The following CPLANE1 variants were observed in gnomAD, a reference collection of about 807,000 sequenced individuals.
CPLANE1 encodes the protein ciliogenesis and planar polarity effector complex subunit 1.
CPLANE1 carries 263 observed loss-of-function variants against 362.5 expected under a neutral mutation model. The observed-to-expected ratio is 0.73, with a 90% CI of 0.66 to 0.80. The LOEUF (loss-of-function observed/expected upper bound fraction) is 0.80. Ranked by LOEUF, CPLANE1 falls within the 30% of genes least tolerant of loss-of-function variation. The pLI is 0.00. For missense variants in CPLANE1, 3,461 were observed against 3,793.4 expected, an observed-to-expected ratio of 0.91 and a Z score of 2.30; for synonymous variants, 1,212 against 1,302.6, an observed-to-expected ratio of 0.93 and a Z score of 1.50.
In CPLANE1 at chr5:37,205,467, C is replaced by T; in HGVS notation, c.3150-13G>A. On this transcript the variant is annotated splice_polypyrimidine_tract_variant and intron_variant, in intron 17 of 52. Coordinates refer to ENST00000651892, the MANE Select transcript of CPLANE1 (RefSeq NM_001384732.1). ...CTTTTTCTTGGACCTGAAATGACAT[C>T]AAATTAAGGGAAATGAATCCAAATT... The T allele has an allele frequency of 6.9e-7, 1 of 1,454,026 alleles. No individual in the cohort carries two copies. Among genetic ancestry groups the T allele is most frequent in the South Asian group, 1.5e-5 (1 of 64,922 alleles). 90.1% of individuals were successfully genotyped at this position (1,454,026 alleles called of 1,614,324 possible).
At chr5:37,122,884 AAAATAAAT>A (rs1356437941) in intron 47 of CPLANE1, among the ~76,000 whole-genome samples, 1 of 152,206 alleles carries the variant, frequency 6.6e-6, no homozygotes, top group African/African-American at 2.4e-5. Flanking sequence ...CCGTTTCAAA[AAAATAAAT>A]AAATAAATAA....
intron 52 of CPLANE1, among the ~76,000 whole-genome samples, chr5:37,108,021 G>A (rs1381798164): frequency 1.3e-5 from 2 of 152,116 alleles, no homozygotes; most frequent in South Asian, 2.1e-4. Context: ...AGGGCAGAAC[G>A]GATGTTGATA....
At chr5:37,186,825 C>T (rs758402861) in intron 23 of CPLANE1, among the ~76,000 whole-genome samples, 1 of 151,938 alleles carries the variant, frequency 6.6e-6, no homozygotes, top group Non-Finnish European at 1.5e-5. Context: ...TTTGGGAGGC[C>T]GAGGCGGGCA....
At position 37,108,459 on chromosome 5, in the gene CPLANE1, G is replaced by A. The variant is rs747597826; in HGVS notation, c.9413C>T (p.Pro3138Leu). The change falls in exon 52 of 53, where the codon CCG (proline) becomes CTG (leucine). Residue 3138 changes from proline to leucine, a missense_variant. Around this residue, in one of 2 missense-constraint regions of CPLANE1, gnomAD observed 3,380 missense variants for 3,666.1 expected, o/e 0.92. Transcript: ENST00000651892. ...PVTFQKGSNA[P>L]CHSLQHTKKH... ...TTTTGTATGCTGCAGACTATGACAC[G>A]GAGCATTAGAGCCTTTTAAGGGATA... is the stretch of plus-strand genomic sequence containing the variant. The A allele has an allele frequency of 1.4e-5, 23 of 1,613,090 alleles. No individual in the cohort carries two copies. Among genetic ancestry groups the A allele is most frequent in the African/African-American group, 4.0e-5 (3 of 74,844 alleles).
At position 37,168,788 on chromosome 5, in the gene CPLANE1, T is replaced by C. The variant is rs745416231; in HGVS notation, c.7233+3A>G. ...TTTGCATTACCATACAAAAATTCATTACCCTATTTTCTGGGGACAAATGTG... is the reference window on the plus strand; with the variant it reads ...TTTGCATTACCATACAAAAATTCATCACCCTATTTTCTGGGGACAAATGTG... On this transcript the variant is annotated splice_donor_region_variant and intron_variant, in intron 34 of 52. Coordinates refer to ENST00000651892, the MANE Select transcript of CPLANE1 (RefSeq NM_001384732.1). 1.2e-5 allele frequency: 20 copies of C among 1,608,204 alleles called. No individual in the cohort carries two copies. The highest frequency in any genetic ancestry group is 1.7e-5 in the Non-Finnish European group (20 of 1,176,624).
intron 46 of CPLANE1, among the ~76,000 whole-genome samples, chr5:37,132,655 C>T (rs1219126101): frequency 6.6e-6 from 1 of 152,038 alleles, no homozygotes; most frequent in East Asian, 1.9e-4. Flanking sequence ...CCCAATTGTT[C>T]AAGTTCTTTG....
chr5:37,137,481 G>C (rs1768062428), intron 46 of CPLANE1, among the ~76,000 whole-genome samples: 1 of 152,036 alleles, frequency 6.6e-6, no homozygotes, highest in African/African-American at 2.4e-5. Context: ...CACATTTTCA[G>C]GTATTTTTAC....
At chr5:37,195,021 G>C (rs1311141320) in intron 21 of CPLANE1, among the ~76,000 whole-genome samples, 1 of 151,966 alleles carries the variant, frequency 6.6e-6, no homozygotes, top group African/African-American at 2.4e-5. Context: ...CGGGCACGGT[G>C]GCGGGTGCCT....
At position 37,226,602 on chromosome 5, in the gene CPLANE1, A is replaced by C. The variant is rs1796517941; in HGVS notation, c.1993T>G (p.Ser665Ala). 2 of 1,551,362 alleles carry C rather than the reference A, an allele frequency of 1.3e-6. No individual in the cohort carries two copies. Among genetic ancestry groups the C allele is most frequent in the Non-Finnish European group, 1.7e-6 (2 of 1,146,896 alleles). Residue 665 changes from serine to alanine, a missense_variant, in exon 12 of 53, where the codon TCA becomes GCA. Transcript: ENST00000651892. ...GTCAGCAAAAGTTTTACAGTATTTG[A>C]GGTCAGCTTTATCAAATGCCCCACA... ...QDVGHLIKLT[S>A]NTVKLLLTQQ... is the part of the protein sequence containing the mutation.
chr5:37,234,823 G>C (rs1237856327), intron 8 of CPLANE1, among the ~76,000 whole-genome samples: 1 of 152,076 alleles, frequency 6.6e-6, no homozygotes, highest in Non-Finnish European at 1.5e-5. Flanking sequence ...ACCTATAAAA[G>C]AAACTCATCA....
intron 46 of CPLANE1, among the ~76,000 whole-genome samples, chr5:37,128,661 C>A (rs573520471): frequency 6.6e-6 from 1 of 152,186 alleles, no homozygotes; most frequent in Non-Finnish European, 1.5e-5. Flanking sequence ...GAGCTCAAGA[C>A]CAGCCTGGCC....
intron 35 of CPLANE1, 135 bp from the exon 36 acceptor site, chr5:37,165,806 C>G: frequency 1.3e-6 from 1 of 799,344 alleles, no homozygotes; most frequent in Non-Finnish European, 1.9e-6. Flanking sequence ...ATTAAATTGG[C>G]AAGATATTCT....
chr5:37,122,599 A>G (rs1579901094), intron 47 of CPLANE1, 111 bp from the exon 48 acceptor site: 2 of 779,926 alleles, frequency 2.6e-6, no homozygotes. Flanking sequence ...TGTTTGATGA[A>G]GCTTCCTACT....
chr5:37,145,699 G>C (rs568141626), intron 43 of CPLANE1, among the ~76,000 whole-genome samples: 6 of 152,002 alleles, frequency 3.9e-5, no homozygotes, highest in African/African-American at 7.2e-5. Flanking sequence ...GCAGGAAAGA[G>C]AGAATACAGA....
intron 15 of CPLANE1, among the ~76,000 whole-genome samples, chr5:37,218,040 A>G (rs1192677300): frequency 6.6e-6 from 1 of 152,148 alleles, no homozygotes; most frequent in Non-Finnish European, 1.5e-5. Context: ...TTAAATAACT[A>G]TAGACAATTA....
At chr5:37,087,754 C>T in the CPLANE1 span, among the ~76,000 whole-genome samples, 3 of 152,222 alleles carry the variant, frequency 2.0e-5, no homozygotes, top group Non-Finnish European at 4.4e-5. Flanking sequence ...CCGCACCTGG[C>T]CACAACTTGT....
rs764012060 is a variant in CPLANE1 at position 37,107,417 on chromosome 5, A to C, written c.*185T>G. ...ATCAATAGTCAACCCTTTCCCCATA[A>C]AGGCAAAGTTACTGAGAAATGTTTA... is the stretch of plus-strand genomic sequence containing the variant. On this transcript the variant is annotated 3_prime_UTR_variant, in exon 53 of 53. Coordinates refer to ENST00000651892, the MANE Select transcript of CPLANE1 (RefSeq NM_001384732.1). 1.5e-4 allele frequency: 194 copies of C among 1,279,134 alleles called. No individual in the cohort carries two copies. Among genetic ancestry groups the C allele is most frequent in the Non-Finnish European group, 1.9e-4 (187 of 1,007,910 alleles). The allele number at this position is 1,279,134 out of a possible 1,614,324, so 79.2% of individuals were successfully genotyped here. A position where few individuals can be genotyped will look rare whatever the true frequency, so the allele number is the denominator to read the frequency against.
Position 37,120,210 on chromosome 5 carries a change from T to A in CPLANE1, c.9310+6A>T, listed in dbSNP as rs1347208910. 19 of 1,598,190 alleles carry A rather than the reference T, an allele frequency of 1.2e-5. No homozygotes were observed. Among genetic ancestry groups the A allele is most frequent in the Middle Eastern group, 3.3e-4 (2 of 6,060 alleles). ...AGACAATTTATAAAAAAGCTTTAAG[T>A]CTTACCATGTGGCCAAGGTGAGCCT... On this transcript the variant is annotated splice_donor_region_variant and intron_variant, in intron 50 of 52. Coordinates refer to ENST00000651892, the MANE Select transcript of CPLANE1 (RefSeq NM_001384732.1).
intron 38 of CPLANE1, 48 bp downstream of exon 38, chr5:37,162,417 A>C: frequency 8.5e-7 from 1 of 1,175,062 alleles, no homozygotes; most frequent in Non-Finnish European, 1.2e-6. Context: ...AGATAACTTA[A>C]TTGTATCAAA....
Sources: allele counts gnomAD v4.1 joint callset (sites outside exome capture counted in the v4.1 genomes callset), GRCh38; gene constraint gnomAD v4.1.1; regional missense constraint gnomAD v4.1.1; transcripts MANE v1.5; gene names NCBI Gene and HGNC (gene_info 2026-07-23, HGNC 2026-07-21).